Variants in CROCC2 observed in about 807,000 individuals in gnomAD.
The protein encoded by CROCC2 is ciliary rootlet coiled-coil protein 2.
In CROCC2, 163 loss-of-function variants were observed where a neutral mutation model predicts 177.6. The observed-to-expected ratio is 0.92, with a 90% CI of 0.81 to 1.05. The LOEUF is 1.05. Ranked by LOEUF, CROCC2 falls within the 50% of genes least tolerant of loss-of-function variation. The pLI is 0.00. For synonymous variants in CROCC2, 904 were observed against 787.3 expected, an observed-to-expected ratio of 1.15 and a Z score of -2.48; for missense variants, 1,929 against 1,797.8, an observed-to-expected ratio of 1.07 and a Z score of -1.32.
In CROCC2 at chr2:240,993,113, G is replaced by T; in HGVS notation, c.*32G>T. On this transcript the variant is annotated 3_prime_UTR_variant, in exon 32 of 32. Coordinates refer to ENST00000690015, the MANE Select transcript of CROCC2 (RefSeq NM_001351305.2). ...CAGCACAGGGGAGGCGCCCAGCGTG[G>T]CTGCAGAGGAAGGGAACGCACCGCA... 4 of 716,150 alleles carry T rather than the reference G, an allele frequency of 5.6e-6. No homozygotes were observed. Among genetic ancestry groups the T allele is most frequent in the Non-Finnish European group, 1.0e-5 (4 of 384,232 alleles). The allele number at this position is 716,150 out of a possible 1,614,324, so 44.4% of individuals were successfully genotyped here.
At chr2:240,941,762 A>G (rs930734016) in intron 14 of CROCC2, among the ~76,000 whole-genome samples, 3 of 152,220 alleles carry the variant, frequency 2.0e-5, no homozygotes, top group African/African-American at 7.2e-5. Context: ...CATTCCATTC[A>G]TCCCTTGCTA....
At chr2:240,968,073 GC>G in intron 26 of CROCC2, 55 bp from the exon 27 acceptor site, 1 of 1,376,982 alleles carries the variant, frequency 7.3e-7, no homozygotes, top group South Asian at 1.7e-5. Context: ...TGCATTGCCT[GC>G]CTGTGACCTG....
chr2:240,962,635 G>A (rs188345864), intron 20 of CROCC2, among the ~76,000 whole-genome samples: 43 of 152,330 alleles, frequency 2.8e-4, no homozygotes, highest in Non-Finnish European at 5.7e-4. Context: ...TCAAGCCAGC[G>A]ACTTGACATC....
At chr2:240,981,275 G>T (rs1234197129) in intron 27 of CROCC2, among the ~76,000 whole-genome samples, 2 of 152,036 alleles carry the variant, frequency 1.3e-5, no homozygotes, top group Non-Finnish European at 2.9e-5. Context: ...GCTCATCCCT[G>T]CTCAGGCTCT....
rs776342243 is a variant in CROCC2, at chr2:240,917,006, C to T, written c.79-1720C>T. Among the ~76,000 whole-genome samples, 6 of 152,158 alleles carry T rather than the reference C, an allele frequency of 3.9e-5. No individual in the cohort carries two copies. The highest frequency in any genetic ancestry group is 8.8e-5 in the Non-Finnish European group (6 of 68,000). On this transcript the variant is annotated intron_variant, in intron 1 of 31. Transcript: ENST00000690015. This position sits in a 1 kb window ranked among gnomAD's most constrained non-coding sequence, Gnocchi z 4.9. The stretch of plus-strand genomic sequence containing the variant: ...CCCAGGAGGAGGAGCAGGGACTTCC[C>T]TCCCCCTCCCCCACTGGGCTGCTGC...
Position 240,934,968 on chromosome 2 carries a change from AG to A in CROCC2, c.1847del (p.Gly616GlufsTer14). 3 of 1,512,420 alleles carry A rather than the reference AG, an allele frequency of 2.0e-6. No individual in the cohort carries two copies. The highest frequency in any genetic ancestry group is 2.7e-6 in the Non-Finnish European group (3 of 1,128,760). The allele number at this position is 1,512,420 out of a possible 1,614,324, so 93.7% of individuals were successfully genotyped here. On this transcript the variant is annotated frameshift_variant, in exon 13 of 32. Coordinates refer to ENST00000690015, the MANE Select transcript of CROCC2 (RefSeq NM_001351305.2). LOFTEE classifies it high-confidence loss of function. ...CTTCTTGTGAGGCGGCTGAAGTCGGAGGGAGTGGAGCAAAGGGACTCCCTGG... is the reference window on the plus strand; with the variant it reads ...CTTCTTGTGAGGCGGCTGAAGTCGGAGGAGTGGAGCAAAGGGACTCCCTGG... ...LELLVRRLKSEGVEQRDSLAA... is the reference protein window; with the variant it reads ...LELLVRRLKSXGVEQRDSLAA...
rs1270011807 is a variant in CROCC2 at position 240,988,727 on chromosome 2, G to C, written c.4552-12G>C. 2 of 1,364,818 alleles carry C rather than the reference G, an allele frequency of 1.5e-6. No homozygotes were observed. The highest frequency in any genetic ancestry group is 6.0e-5 in the Admixed American group (2 of 33,368). 84.5% of individuals were successfully genotyped at this position (1,364,818 alleles called of 1,614,324 possible). On this transcript the variant is annotated splice_polypyrimidine_tract_variant and intron_variant, in intron 28 of 31. Coordinates refer to ENST00000690015, the MANE Select transcript of CROCC2 (RefSeq NM_001351305.2). ...AGGAGGCCACAGGTTCTGCCTCCTG[G>C]GATCTCTGCAGATGGAGCAAGAGAC... is the stretch of plus-strand genomic sequence containing the variant.
chr2:240,924,923 G>A (rs191383010), intron 4 of CROCC2, among the ~76,000 whole-genome samples: 1 of 1,428 alleles, frequency 7.0e-4, no homozygotes, highest in Admixed American at 0.013. Context: ...CCCCCACACT[G>A]ACCCGGCCCC....
At chr2:240,965,295 G>C in intron 22 of CROCC2, 86 bp from the exon 23 acceptor site, 6 of 1,516,252 alleles carry the variant, frequency 4.0e-6, no homozygotes, top group Non-Finnish European at 4.4e-6. Flanking sequence ...CTCAAGGGAC[G>C]TGTGAGCGGA....
chr2:240,983,522 A>G (rs1464027959), intron 28 of CROCC2: 1 of 1,252,208 alleles, frequency 8.0e-7, no homozygotes, highest in Non-Finnish European at 1.0e-6. Flanking sequence ...GGCGCTGCGC[A>G]CCGAGCGGGC....
At chr2:240,907,355 G>A (rs1335917064) in intron 1 of CROCC2, among the ~76,000 whole-genome samples, 1 of 151,998 alleles carries the variant, frequency 6.6e-6, no homozygotes, top group Non-Finnish European at 1.5e-5. Flanking sequence ...TCCCACCTCG[G>A]ATATCCCTCC....
At chr2:240,967,766 C>T (rs1002197668) in intron 26 of CROCC2, among the ~76,000 whole-genome samples, 2 of 152,134 alleles carry the variant, frequency 1.3e-5, no homozygotes, top group South Asian at 2.1e-4. Flanking sequence ...GCAGTTCCCA[C>T]TGGGGGCCTT....
chr2:240,977,792 G>A (rs1430153443), intron 27 of CROCC2, among the ~76,000 whole-genome samples: 5 of 4,850 alleles, frequency 1.0e-3, no homozygotes, highest in African/African-American at 1.2e-3. Flanking sequence ...GGAGCCTCAG[G>A]ATCCCAGGCT....
chr2:240,951,031 C>G (rs1338927851), intron 18 of CROCC2: 1 of 154,474 alleles, frequency 6.5e-6, no homozygotes, highest in Non-Finnish European at 1.4e-5. Flanking sequence ...CCTCATCCAT[C>G]CATCCACCCA....
In CROCC2 at chr2:240,932,861, C is replaced by G. The variant is rs151051144; in HGVS notation, c.1204C>G (p.Leu402Val). 4,110 of 1,546,846 alleles carry G rather than the reference C, an allele frequency of 2.7e-3. 78 individuals carry two copies. In the African/African-American group the frequency reaches 0.042, roughly 16 times the overall value. The part of the protein sequence containing the change: ...ICSPATLDPA[L>V]QAMRAAIERR... ...CTCCCCAGCCACCCTGGACCCCGCA[C>G]TGCAGGCCATGCGGGCAGCCATAGA... The change falls in exon 9 of 32, where the codon CTG (leucine) becomes GTG (valine). Residue 402 changes from leucine (L) to valine (V), a missense_variant. Leu to Val is a conservative substitution (Grantham distance 32). Transcript: ENST00000690015.
chr2:240,956,788 G>A (rs906449293), intron 19 of CROCC2, among the ~76,000 whole-genome samples: 2 of 152,204 alleles, frequency 1.3e-5, no homozygotes, highest in African/African-American at 4.8e-5. Context: ...ATTGCTTGCA[G>A]AACGCCAAGG....
At chr2:240,954,081 A>C (rs528923918) in intron 18 of CROCC2, among the ~76,000 whole-genome samples, 2 of 152,300 alleles carry the variant, frequency 1.3e-5, no homozygotes, top group East Asian at 3.9e-4. Flanking sequence ...GCCGAGCAAA[A>C]CAAGCAGGGC....
At chr2:240,987,265 G>A (rs896731809) in intron 28 of CROCC2, among the ~76,000 whole-genome samples, 1 of 152,186 alleles carries the variant, frequency 6.6e-6, no homozygotes, top group Admixed American at 6.5e-5. Flanking sequence ...CCTGAGGAGG[G>A]GGAGGGAAGG....
chr2:240,925,118 C>T (rs556973180), intron 4 of CROCC2, among the ~76,000 whole-genome samples: 1 of 152,298 alleles, frequency 6.6e-6, no homozygotes, highest in African/African-American at 2.4e-5. Context: ...TTTGGTTCAT[C>T]CTCCAGGAAT....
Sources: gnomAD v4.1 joint callset for allele counts (sites outside exome capture counted in the v4.1 genomes callset) on GRCh38, gnomAD v4.1.1 for gene constraint, Gnocchi (gnomAD v3.1) non-coding constraint, MANE v1.5 for transcripts, NCBI Gene and HGNC (gene_info 2026-07-23, HGNC 2026-07-21) for gene names.